Variants in ROS1 observed in about 807,000 individuals in gnomAD.
ROS1 encodes the protein ROS proto-oncogene 1, receptor tyrosine kinase.
A neutral mutation model predicts 273.5 loss-of-function variants in ROS1; 263 were observed. That is an observed-to-expected ratio of 0.96 (90% CI 0.87 to 1.06). The LOEUF is 1.06. ROS1 is among the 50% of genes least tolerant of loss of function. The probability of loss-of-function intolerance (pLI) is 0.00; values close to 1 mark genes in which losing one functional copy is unlikely to be tolerated. For synonymous variants in ROS1, 1,008 were observed against 954.1 expected (o/e 1.06, Z -1.04); for missense variants, 2,833 against 2,751.1 (o/e 1.03, Z -0.67).
At chr6:117,321,758 T>C (rs1776306072) in intron 35 of ROS1, among the ~76,000 whole-genome samples, 2 of 151,180 alleles carry the variant, frequency 1.3e-5, no homozygotes, top group Admixed American at 1.3e-4. Flanking sequence ...TGAAACAAAT[T>C]CATTTTTGAG....
At chr6:117,380,596 A>T (rs1772045719) in intron 17 of ROS1, among the ~76,000 whole-genome samples, 1 of 151,968 alleles carries the variant, frequency 6.6e-6, no homozygotes. Flanking sequence ...AGTCTATTTC[A>T]TCTATTTTAA....
chr6:117,340,017 T>A (rs1777804467), intron 31 of ROS1, among the ~76,000 whole-genome samples: 2 of 152,174 alleles, frequency 1.3e-5, no homozygotes, highest in African/African-American at 4.8e-5. Flanking sequence ...TCCCATTTCA[T>A]TTCTTTGATA....
chr6:117,330,829 A>C (rs1224111695), intron 32 of ROS1, among the ~76,000 whole-genome samples: 1 of 152,198 alleles, frequency 6.6e-6, no homozygotes, highest in Non-Finnish European at 1.5e-5. Context: ...CAAAAAACCC[A>C]TACAAGGGTC....
In ROS1 at chr6:117,365,712, G is replaced by C. The variant is rs1169032817; in HGVS notation, c.2827C>G (p.Pro943Ala). The C allele has an allele frequency of 6.2e-7, 1 of 1,601,312 alleles. No individual in the cohort carries two copies. The highest frequency in any genetic ancestry group is 2.2e-5 in the East Asian group (1 of 44,762). Residue 943 changes from proline (P) to alanine (A), a missense_variant, in exon 20 of 44, where the codon CCA becomes GCA. Pro to Ala is a conservative substitution (Grantham distance 27). Coordinates refer to ENST00000368507, the MANE Select transcript of ROS1 (RefSeq NM_001378902.1). ...AATGAAGACTCTTGAACAGAATCTG[G>C]AATAACCTTAGGGGTAAAGGAAAAG... is the stretch of plus-strand genomic sequence containing the variant. ...GNFSFTPKVIPDSVQESSFRI... is the reference protein window; with the variant it reads ...GNFSFTPKVIADSVQESSFRI...
intron 2 of ROS1, among the ~76,000 whole-genome samples, chr6:117,416,861 T>C (rs1775375529): frequency 6.6e-6 from 1 of 152,150 alleles, no homozygotes; most frequent in Non-Finnish European, 1.5e-5. Context: ...GATATATTTC[T>C]TCTTACCTTA....
chr6:117,381,796 C>T (rs778526997), intron 17 of ROS1, among the ~76,000 whole-genome samples: 90 of 152,126 alleles, frequency 5.9e-4, no homozygotes, highest in Non-Finnish European at 9.9e-4. Flanking sequence ...GATAGAAATA[C>T]TATTAGTTCT....
At chr6:117,313,327 G>A (rs1048869395) in intron 39 of ROS1, among the ~76,000 whole-genome samples, 19 of 152,148 alleles carry the variant, frequency 1.2e-4, no homozygotes, top group Admixed American at 8.5e-4. Context: ...GACTGTGGGA[G>A]GCCAAGGCAG....
chr6:117,388,632 TACA>T (rs1344072495), intron 13 of ROS1, among the ~76,000 whole-genome samples: 2 of 152,186 alleles, frequency 1.3e-5, no homozygotes, highest in African/African-American at 4.8e-5. Context: ...GTCTTCACAC[TACA>T]ACGACATAAT....
intron 6 of ROS1, among the ~76,000 whole-genome samples, chr6:117,403,567 A>C (rs1373515385): frequency 6.6e-6 from 1 of 151,174 alleles, no homozygotes; most frequent in African/African-American, 2.4e-5. Context: ...TTTTTTCTAA[A>C]CTTTCTCATG....
intron 34 of ROS1, 133 bp downstream of exon 34, chr6:117,326,091 T>TTATATATATATATATATATATATATATA (rs56113300): frequency 7.0e-6 from 1 of 143,098 alleles, no homozygotes; most frequent in African/African-American, 3.3e-5. Flanking sequence ...GATAATAAGA[T>TTATATATATATATATATATATATATATA]TATATATATA....
chr6:117,295,750 C>T (rs1774190280), intron 43 of ROS1, among the ~76,000 whole-genome samples: 1 of 152,176 alleles, frequency 6.6e-6, no homozygotes, highest in South Asian at 2.1e-4. Flanking sequence ...TGCTCAACAT[C>T]ATTGATCATC....
At chr6:117,321,447 C>T (rs2128563930) in intron 35 of ROS1, 53 bp from the exon 36 acceptor site, 4 of 1,498,882 alleles carry the variant, frequency 2.7e-6, no homozygotes, top group East Asian at 2.3e-5. Flanking sequence ...CTTCTTTTTT[C>T]CTTTAGGAAA....
intron 24 of ROS1, 131 bp from the exon 25 acceptor site, chr6:117,358,140 C>T (rs551071635): frequency 7.8e-5 from 49 of 627,200 alleles, no homozygotes; most frequent in South Asian, 1.8e-4. Flanking sequence ...GCAATCTGGA[C>T]GGTATACCAT....
chr6:117,357,982 T>C lies in ROS1; in HGVS notation c.3661A>G (p.Ile1221Val). 2.5e-6 allele frequency: 4 copies of C among 1,613,362 alleles called. No homozygotes were observed. The highest frequency in any genetic ancestry group is 3.4e-6 in the Non-Finnish European group (4 of 1,179,594). ...ATCCAGTCAATTGTAATAACTGTGA[T>C]ATCAAAAACCAGTGAATCTTGGAAA... ...ELFQDSLVFD[I>V]TVITIDWISR... The change falls in exon 25 of 44, where the codon ATC becomes GTC. Residue 1221 changes from isoleucine to valine, a missense_variant. Coordinates refer to ENST00000368507, the MANE Select transcript of ROS1 (RefSeq NM_001378902.1).
chr6:117,315,615 C>G (rs1332022772), intron 39 of ROS1, among the ~76,000 whole-genome samples: 1 of 151,990 alleles, frequency 6.6e-6, no homozygotes, highest in South Asian at 2.1e-4. Flanking sequence ...AATTATCAAC[C>G]AAGTGTGAGG....
intron 32 of ROS1, among the ~76,000 whole-genome samples, chr6:117,333,509 C>A (rs1354811849): frequency 6.6e-6 from 1 of 152,176 alleles, no homozygotes; most frequent in African/African-American, 2.4e-5. Flanking sequence ...CCAGCATCAT[C>A]CTGATACCAA....
chr6:117,359,081 C>T (rs940449407), intron 24 of ROS1, among the ~76,000 whole-genome samples: 2 of 152,156 alleles, frequency 1.3e-5, no homozygotes, highest in Non-Finnish European at 2.9e-5. Context: ...CTTCCTTTCA[C>T]TCCACTCTCA....
rs771133948 is a variant in ROS1 at position 117,292,145 on chromosome 6, AT to A, written c.6716-3344del. Among the ~76,000 whole-genome samples the A allele has an allele frequency of 2.9e-3, 443 of 151,436 alleles. 1 individual carries two copies. Among genetic ancestry groups the A allele is most frequent in the Non-Finnish European group, 4.3e-3 (294 of 67,806 alleles). On this transcript the variant is annotated intron_variant, in intron 43 of 43. Coordinates refer to ENST00000368507, the MANE Select transcript of ROS1 (RefSeq NM_001378902.1). ...CCACCATGCCCAGCTAATTTTTTCTATTTTTTAGTAGAGACGCGGTTTCACC... is the reference window on the plus strand; with the variant it reads ...CCACCATGCCCAGCTAATTTTTTCTATTTTTAGTAGAGACGCGGTTTCACC...
At chr6:117,332,551 A>G (rs1309803172) in intron 32 of ROS1, among the ~76,000 whole-genome samples, 1 of 152,202 alleles carries the variant, frequency 6.6e-6, no homozygotes, top group Non-Finnish European at 1.5e-5. Flanking sequence ...CATTCTTCTG[A>G]GTGCCACATG....
Sources: allele counts gnomAD v4.1 joint callset (sites outside exome capture counted in the v4.1 genomes callset), GRCh38; gene constraint gnomAD v4.1.1; transcripts MANE v1.5; gene names NCBI Gene and HGNC (gene_info 2026-07-23, HGNC 2026-07-21).